Variants in ANKRD44 observed in about 807,000 individuals in gnomAD.
The protein encoded by ANKRD44 is ankyrin repeat domain 44.
A neutral mutation model predicts 116.0 loss-of-function variants in ANKRD44; 35 were observed. The ratio of observed to expected loss-of-function variants is 0.30; its 90% CI spans 0.23 to 0.40. The LOEUF (loss-of-function observed/expected upper bound fraction) is 0.40. Among genes scored for constraint, ANKRD44 ranks in the 10% least tolerant of loss-of-function variants. ANKRD44 has a pLI of 1.00. For missense variants in ANKRD44, 1,014 were observed against 1,242.6 expected, an observed-to-expected ratio of 0.82 and a Z score of 2.77; for synonymous variants, 435 against 461.8, an observed-to-expected ratio of 0.94 and a Z score of 0.74.
chr2:197,246,735 G>GA, intron 1 of ANKRD44, among the ~76,000 whole-genome samples: 1 of 152,132 alleles, frequency 6.6e-6, no homozygotes, highest in East Asian at 1.9e-4. Context: ...ACTACTCGGA[G>GA]TGACGTTCAT....
intron 1 of ANKRD44, among the ~76,000 whole-genome samples, chr2:197,276,932 T>C (rs937103731): frequency 6.6e-5 from 10 of 151,174 alleles, no homozygotes; most frequent in African/African-American, 2.2e-4. Context: ...AGGAATTTTT[T>C]TTTTTTTTTT....
In ANKRD44 at chr2:196,987,168, T is replaced by C. The variant is rs2075847290; in HGVS notation, c.*2423A>G. ...ATCTTAAAATGCTTTTCCCCTATAA[T>C]ACTGACCTATGGTTTATAGTTTCGT... On this transcript the variant is annotated 3_prime_UTR_variant, in exon 28 of 28. Transcript: ENST00000282272. 3.0e-6 allele frequency: 3 copies of C among 985,220 alleles called. No individual in the cohort carries two copies. Among genetic ancestry groups the C allele is most frequent in the Non-Finnish European group, 2.4e-6 (2 of 829,840 alleles). The allele number at this position is 985,220 out of a possible 1,614,324, so 61.0% of individuals were successfully genotyped here.
At chr2:197,036,997 T>C (rs2124927992) in intron 16 of ANKRD44, among the ~76,000 whole-genome samples, 1 of 152,226 alleles carries the variant, frequency 6.6e-6, no homozygotes, top group East Asian at 1.9e-4. Flanking sequence ...CAAGAGTTTT[T>C]AATGACATTG....
At chr2:197,207,215 G>A (rs2081227785) in intron 1 of ANKRD44, among the ~76,000 whole-genome samples, 1 of 152,194 alleles carries the variant, frequency 6.6e-6, no homozygotes, top group Admixed American at 6.5e-5. Flanking sequence ...TGGAGGGAAG[G>A]GGGCAGGTGT....
intron 9 of ANKRD44, among the ~76,000 whole-genome samples, chr2:197,100,144 G>A (rs1385944069): frequency 6.6e-6 from 1 of 152,184 alleles, no homozygotes; most frequent in Non-Finnish European, 1.5e-5. Context: ...GTCTATTAGA[G>A]ATGCTTTTGA....
intron 10 of ANKRD44, among the ~76,000 whole-genome samples, chr2:197,092,853 C>CT (rs5837519): frequency 0.85 from 128,543 of 151,838 alleles, 56,782 homozygotes; most frequent in East Asian, 1. Flanking sequence ...GAGAAACATT[C>CT]TTTTTTTTCA....
intron 27 of ANKRD44, chr2:196,991,055 A>G (rs2125875557): frequency 1.1e-6 from 1 of 875,506 alleles, no homozygotes; most frequent in East Asian, 3.3e-5. Context: ...CATGCCAGGT[A>G]AAACGAGGAG....
intron 1 of ANKRD44, among the ~76,000 whole-genome samples, chr2:197,295,522 G>A (rs192656985): frequency 9.9e-5 from 15 of 152,152 alleles, no homozygotes; most frequent in South Asian, 2.1e-4. Flanking sequence ...CTTGGCTCAC[G>A]GGCCATTTAA....
chr2:197,099,432 C>G, intron 10 of ANKRD44: 1 of 816,190 alleles, frequency 1.2e-6, no homozygotes, highest in South Asian at 4.6e-5. Context: ...CAATTGTACT[C>G]TATAACCATA....
intron 1 of ANKRD44, among the ~76,000 whole-genome samples, chr2:197,276,975 T>C (rs1172413382): frequency 2.0e-5 from 3 of 150,632 alleles, no homozygotes; most frequent in Non-Finnish European, 2.9e-5. Context: ...TTGCCCAGGC[T>C]GGAGTACAGC....
chr2:197,294,670 A>C (rs1162460904), intron 1 of ANKRD44, among the ~76,000 whole-genome samples: 1 of 152,210 alleles, frequency 6.6e-6, no homozygotes, highest in Non-Finnish European at 1.5e-5. Flanking sequence ...TTCTAGAATA[A>C]TGAGCAACAT....
At chr2:197,079,297 A>C (rs2077742069) in intron 15 of ANKRD44, among the ~76,000 whole-genome samples, 1 of 152,212 alleles carries the variant, frequency 6.6e-6, no homozygotes, top group Admixed American at 6.5e-5. Context: ...AAAAAAAAAT[A>C]AGAATAGCCT....
intron 16 of ANKRD44, among the ~76,000 whole-genome samples, chr2:197,026,055 A>AAAAAAG (rs750055441): frequency 6.6e-6 from 1 of 151,280 alleles, no homozygotes; most frequent in Non-Finnish European, 1.5e-5. Context: ...AACAAAAAAA[A>AAAAAAG]AAAAAACACC....
Position 196,975,470 on chromosome 2 carries a change from T to C in ANKRD44, c.2369-8024A>G, listed in dbSNP as rs538328255. Among the ~76,000 whole-genome samples, 217 of 152,200 alleles carry C rather than the reference T, an allele frequency of 1.4e-3. 1 individual carries two copies. Among genetic ancestry groups the C allele is most frequent in the African/African-American group, 4.9e-3 (204 of 41,542 alleles). On this transcript the variant is annotated intron_variant, in intron 21 of 21. Transcript: ENST00000424317. ...TTATTCTTTGAGGCCAGCGTTACCA[T>C]CACACCAAAACAAGAAAAATACGTC...
At chr2:197,273,486 T>C (rs117389217) in intron 1 of ANKRD44, among the ~76,000 whole-genome samples, 6,118 of 152,298 alleles carry the variant, frequency 0.04, 209 homozygotes, top group Admixed American at 0.11. Flanking sequence ...TAACACACAG[T>C]CGCCAAAATG....
intron 1 of ANKRD44, among the ~76,000 whole-genome samples, chr2:197,210,705 G>A (rs1034059711): frequency 6.6e-5 from 10 of 152,176 alleles, no homozygotes; most frequent in African/African-American, 1.4e-4. Flanking sequence ...AGGGGGCCAC[G>A]GGTTGTGGAC....
intron 21 of ANKRD44, among the ~76,000 whole-genome samples, chr2:196,971,131 G>T (rs1435855473): frequency 1.3e-5 from 2 of 152,018 alleles, no homozygotes; most frequent in Non-Finnish European, 2.9e-5. Flanking sequence ...ATTATGTCAT[G>T]CACATCTTCC....
chr2:197,167,385 G>T (rs2080122921), intron 2 of ANKRD44, among the ~76,000 whole-genome samples: 1 of 151,966 alleles, frequency 6.6e-6, no homozygotes, highest in African/African-American at 2.4e-5. Context: ...GCCCCCAGTG[G>T]ATCATCTGGC....
chr2:197,241,034 G>A (rs1267542387), intron 1 of ANKRD44, among the ~76,000 whole-genome samples: 1 of 151,984 alleles, frequency 6.6e-6, no homozygotes, highest in African/African-American at 2.4e-5. Flanking sequence ...GCAGCCCACA[G>A]TAATCATGCA....
Sources: allele counts gnomAD v4.1 joint callset (sites outside exome capture counted in the v4.1 genomes callset), GRCh38; gene constraint gnomAD v4.1.1; transcripts MANE v1.5; gene names NCBI Gene and HGNC (gene_info 2026-07-23, HGNC 2026-07-21).